Variants in SLCO3A1 observed in about 807,000 individuals in gnomAD.
SLCO3A1 encodes solute carrier organic anion transporter family member 3A1, also known as PGE1 transporter.
Under a neutral mutation model 63.1 loss-of-function variants are expected in SLCO3A1, and 27 were observed. That is an observed-to-expected ratio of 0.43 (90% CI 0.32 to 0.59). The LOEUF (loss-of-function observed/expected upper bound fraction) is 0.59. Ranked by LOEUF, SLCO3A1 falls within the 20% of genes least tolerant of loss-of-function variation. The probability of loss-of-function intolerance (pLI) is 0.09; values close to 1 mark genes in which losing one functional copy is unlikely to be tolerated. For synonymous variants in SLCO3A1, 473 were observed against 409.9 expected (o/e 1.15, Z -1.86); for missense variants, 773 against 945.8 (o/e 0.82, Z 2.40).
At chr15:91,902,200 CT>C (rs1307309124) in intron 1 of SLCO3A1, among the ~76,000 whole-genome samples, 2 of 151,964 alleles carry the variant, frequency 1.3e-5, no homozygotes, top group Admixed American at 6.6e-5. Context: ...TTCTGTATCT[CT>C]TTTTTTAAGA....
chr15:91,980,107 C>T (rs2045966086), intron 2 of SLCO3A1, among the ~76,000 whole-genome samples: 1 of 152,138 alleles, frequency 6.6e-6, no homozygotes, highest in African/African-American at 2.4e-5. Flanking sequence ...GCCTGATTCC[C>T]TTCACTCTTC....
chr15:92,031,384 T>C (rs887017640), intron 2 of SLCO3A1, among the ~76,000 whole-genome samples: 1 of 152,228 alleles, frequency 6.6e-6, no homozygotes, highest in African/African-American at 2.4e-5. Context: ...GAGCCTGTTT[T>C]GTTTGGTTGA....
rs1237626662 is a variant in SLCO3A1 at position 91,897,749 on chromosome 15, G to A, written c.181-18244G>A. Among the ~76,000 whole-genome samples, 1 of 152,168 alleles carries A rather than the reference G, an allele frequency of 6.6e-6. No individual in the cohort carries two copies. Among genetic ancestry groups the A allele is most frequent in the East Asian group, 1.9e-4 (1 of 5,194 alleles). ...AGGCTGAGTCTACCCTGCAGCGTGG[G>A]CTCCAGCAGCAGTGTGTTAAGGGCA... On this transcript the variant is annotated intron_variant, in intron 1 of 9. Transcript: ENST00000318445. This position sits in a 1 kb window ranked among gnomAD's most constrained non-coding sequence, Gnocchi z 4.7.
chr15:92,059,691 G>T (rs936666334), intron 2 of SLCO3A1, among the ~76,000 whole-genome samples: 10 of 152,122 alleles, frequency 6.6e-5, no homozygotes, highest in Non-Finnish European at 1.2e-4. Context: ...AGAGAAGAGG[G>T]CTGTATCGAT....
At chr15:92,051,015 T>C (rs2046950598) in intron 2 of SLCO3A1, among the ~76,000 whole-genome samples, 1 of 152,250 alleles carries the variant, frequency 6.6e-6, no homozygotes, top group Non-Finnish European at 1.5e-5. Flanking sequence ...CAGACTTCTC[T>C]GACCCATCCA....
rs1341136297 is a variant in SLCO3A1, at chr15:92,158,581, A to T, written c.1754-4175A>T. Among the ~76,000 whole-genome samples, 7 of 152,212 alleles carry T rather than the reference A, an allele frequency of 4.6e-5. No individual in the cohort carries two copies. The East Asian group carries it at 5.8e-4, about 13-fold the overall frequency. ...TGACAGTTGCCAGTCACACTGTCACAGTCTCCCATTTGTCTATGGGGAACC... is the reference window on the plus strand; with the variant it reads ...TGACAGTTGCCAGTCACACTGTCACTGTCTCCCATTTGTCTATGGGGAACC... On this transcript the variant is annotated intron_variant, in intron 9 of 9. Coordinates refer to ENST00000318445, the MANE Select transcript of SLCO3A1 (RefSeq NM_013272.4).
Position 91,854,204 on chromosome 15 carries a change from C to T in SLCO3A1, c.180+116C>T. On this transcript the variant is annotated intron_variant, in intron 1 of 9. Transcript: ENST00000318445. This position sits in a 1 kb window ranked among gnomAD's most constrained non-coding sequence, Gnocchi z 6.4. ...GGGGGCAGGCGGGCATGACCTCGGC[C>T]CGGCGTGGAGGTTGGCGAGTGGTGC... is the stretch of plus-strand genomic sequence containing the variant. The T allele has an allele frequency of 8.6e-7, 1 of 1,156,250 alleles. No individual in the cohort carries two copies. The highest frequency in any genetic ancestry group is 1.1e-6 in the Non-Finnish European group (1 of 903,910). The allele number at this position is 1,156,250 out of a possible 1,614,324, so 71.6% of individuals were successfully genotyped here.
intron 2 of SLCO3A1, among the ~76,000 whole-genome samples, chr15:91,983,446 G>C (rs758490134): frequency 6.6e-6 from 1 of 152,142 alleles, no homozygotes; most frequent in Non-Finnish European, 1.5e-5. Context: ...CTGATGGAGG[G>C]TGTCTGGCCC....
chr15:92,074,420 A>G (rs904731218), intron 2 of SLCO3A1, among the ~76,000 whole-genome samples: 9 of 152,136 alleles, frequency 5.9e-5, no homozygotes, highest in African/African-American at 2.2e-4. Flanking sequence ...GATCTTCCAG[A>G]AGAATAAAGC....
At chr15:92,006,673 C>T (rs568578455) in intron 2 of SLCO3A1, among the ~76,000 whole-genome samples, 93 of 152,312 alleles carry the variant, frequency 6.1e-4, no homozygotes, top group African/African-American at 2.0e-3. Context: ...AAATGACTGC[C>T]GTTATTGTTA....
intron 2 of SLCO3A1, among the ~76,000 whole-genome samples, chr15:91,929,783 G>A (rs1481208713): frequency 4.6e-5 from 7 of 152,142 alleles, no homozygotes; most frequent in East Asian, 1.9e-4. Context: ...AGATAAGATC[G>A]TAGAGTATCT....
chr15:91,893,102 GC>G (rs1897913163), intron 1 of SLCO3A1, among the ~76,000 whole-genome samples: 1 of 152,222 alleles, frequency 6.6e-6, no homozygotes, highest in African/African-American at 2.4e-5. Flanking sequence ...ATGGGAAGAT[GC>G]CTTATCTCTG....
chr15:92,164,324 TG>T lies in SLCO3A1; in HGVS notation c.*1190del. On this transcript the variant is annotated 3_prime_UTR_variant, in exon 10 of 10. Coordinates refer to ENST00000318445, the MANE Select transcript of SLCO3A1 (RefSeq NM_013272.4). Reference sequence around the variant, plus strand: ...AATGTGTTACAAGAAGAAAAAAAAATGCTTCAAAAAGAGAGTGTATATGCAG... The same window carrying T: ...AATGTGTTACAAGAAGAAAAAAAAATCTTCAAAAAGAGAGTGTATATGCAG... The T allele has an allele frequency of 2.0e-6, 2 of 984,734 alleles. No homozygotes were observed. Among genetic ancestry groups the T allele is most frequent in the Non-Finnish European group, 2.4e-6 (2 of 829,388 alleles). The allele number at this position is 984,734 out of a possible 1,614,324, so 61.0% of individuals were successfully genotyped here.
Position 92,022,330 on chromosome 15 carries a change from G to A in SLCO3A1, c.647-72551G>A, listed in dbSNP as rs924672503. On this transcript the variant is annotated intron_variant, in intron 2 of 9. Coordinates refer to ENST00000318445, the MANE Select transcript of SLCO3A1 (RefSeq NM_013272.4). ...AAAACAGACATTTTAACACCTGTGCGTGTGAACATTCTACATAGGACCTGC... is the reference window on the plus strand; with the variant it reads ...AAAACAGACATTTTAACACCTGTGCATGTGAACATTCTACATAGGACCTGC... 6.8e-4 allele frequency among the ~76,000 whole-genome samples: 103 copies of A among 152,180 alleles called. 2 individuals carry two copies. The highest frequency in any genetic ancestry group is 2.1e-4 in the South Asian group (1 of 4,832).
Position 92,165,597 on chromosome 15 carries a change from G to A in SLCO3A1, c.*2462G>A, listed in dbSNP as rs2048487759. ...TGTGAAAAAGATGTTAGAATAACAG[G>A]AAGACAACTCCAGGGCTGAGTTTTA... On this transcript the variant is annotated 3_prime_UTR_variant, in exon 10 of 10. Coordinates refer to ENST00000318445, the MANE Select transcript of SLCO3A1 (RefSeq NM_013272.4). The A allele has an allele frequency of 2.0e-6, 2 of 985,166 alleles. No individual in the cohort carries two copies. Among genetic ancestry groups the A allele is most frequent in the South Asian group, 9.4e-5 (2 of 21,282 alleles). 61.0% of individuals were successfully genotyped at this position (985,166 alleles called of 1,614,324 possible).
intron 2 of SLCO3A1, among the ~76,000 whole-genome samples, chr15:91,983,874 A>G (rs1419304859): frequency 6.6e-6 from 1 of 152,210 alleles, no homozygotes; most frequent in Non-Finnish European, 1.5e-5. Flanking sequence ...TTCCTGGACC[A>G]TAACATTGCT....
At chr15:92,041,705 C>A (rs74030422) in intron 2 of SLCO3A1, among the ~76,000 whole-genome samples, 396 of 152,296 alleles carry the variant, frequency 2.6e-3, no homozygotes, top group African/African-American at 9.3e-3. Context: ...TCCCATCCTT[C>A]CTGCGTGTCA....
chr15:92,153,226 T>C (rs977279784), intron 9 of SLCO3A1, among the ~76,000 whole-genome samples: 6 of 151,274 alleles, frequency 4.0e-5, no homozygotes, highest in Admixed American at 3.3e-4. Flanking sequence ...TGCCTATGCC[T>C]AGATACAGCT....
chr15:91,976,810 G>A (rs1901130462), intron 2 of SLCO3A1, among the ~76,000 whole-genome samples: 1 of 152,140 alleles, frequency 6.6e-6, no homozygotes, highest in African/African-American at 2.4e-5. Context: ...AGGGGAGGGA[G>A]TGTGCAAATA....
Sources: gnomAD v4.1 joint callset for allele counts (sites outside exome capture counted in the v4.1 genomes callset) on GRCh38, gnomAD v4.1.1 for gene constraint, Gnocchi (gnomAD v3.1) non-coding constraint, MANE v1.5 for transcripts, NCBI Gene and HGNC (gene_info 2026-07-23, HGNC 2026-07-21) for gene names.